The following CNTN4 variants were observed in gnomAD, a reference collection of about 807,000 sequenced individuals.
CNTN4 encodes contactin-4.
CNTN4 carries 77 observed loss-of-function variants against 122.5 expected under a neutral mutation model. The ratio of observed to expected loss-of-function variants is 0.63; its 90% CI spans 0.52 to 0.76. The LOEUF is 0.76. CNTN4 is among the 30% of genes least tolerant of loss of function. The pLI is 0.00. For synonymous variants in CNTN4, 512 were observed against 447.0 expected, an observed-to-expected ratio of 1.15 and a Z score of -1.83; for missense variants, 1,256 against 1,259.1, an observed-to-expected ratio of 1.00 and a Z score of 0.04.
At chr3:2,860,693 G>A (rs2093662196) in intron 7 of CNTN4, among the ~76,000 whole-genome samples, 1 of 152,150 alleles carries the variant, frequency 6.6e-6, no homozygotes, top group South Asian at 2.1e-4. Context: ...TTCACTGGAT[G>A]ACAGCTCACA....
At chr3:2,756,609 T>C (rs2090349772) in intron 6 of CNTN4, among the ~76,000 whole-genome samples, 1 of 152,244 alleles carries the variant, frequency 6.6e-6, no homozygotes, top group Admixed American at 6.5e-5. Context: ...AAACGGTCTT[T>C]CCAGATGTAA....
chr3:2,112,106 G>A (rs9860768), intron 2 of CNTN4, among the ~76,000 whole-genome samples: 12,573 of 152,092 alleles, frequency 0.083, 675 homozygotes, highest in South Asian at 0.12. Flanking sequence ...AGCACTATTT[G>A]AGATTTTATT....
At chr3:2,588,567 A>C (rs190628685) in intron 4 of CNTN4, among the ~76,000 whole-genome samples, 10 of 151,952 alleles carry the variant, frequency 6.6e-5, no homozygotes, top group African/African-American at 2.4e-4. Flanking sequence ...GGGTTTTACT[A>C]TGTTGGCCAG....
intron 4 of CNTN4, among the ~76,000 whole-genome samples, chr3:2,730,095 G>C (rs183271144): frequency 2.5e-4 from 38 of 152,272 alleles, no homozygotes; most frequent in Non-Finnish European, 1.3e-4. Context: ...TAAAATGCTT[G>C]AGACTGGAGG....
At position 2,301,452 on chromosome 3, in the gene CNTN4, T is replaced by A. The variant is rs1010550466; in HGVS notation, c.-144-37726T>A. On this transcript the variant is annotated intron_variant, in intron 2 of 24. Coordinates refer to ENST00000418658, the MANE Select transcript of CNTN4 (RefSeq NM_175607.3). ...ACGCTTTACTACTAGTTAAAAAAAA[T>A]TTGTAGCTGTAAATGGTTCTGCTCT... 5.3e-5 allele frequency among the ~76,000 whole-genome samples: 8 copies of A among 152,330 alleles called. 1 individual carries two copies. In the South Asian group the frequency reaches 1.5e-3, roughly 28 times the overall value.
At chr3:2,955,854 A>T (rs1324056891) in intron 13 of CNTN4, among the ~76,000 whole-genome samples, 1 of 151,544 alleles carries the variant, frequency 6.6e-6, no homozygotes, top group Non-Finnish European at 1.5e-5. Flanking sequence ...GCTAGTGGGG[A>T]TGTAAAATGA....
intron 3 of CNTN4, among the ~76,000 whole-genome samples, chr3:2,482,195 G>C (rs1413189859): frequency 6.6e-6 from 1 of 152,148 alleles, no homozygotes; most frequent in Admixed American, 6.5e-5. Flanking sequence ...ATGAAGTCCA[G>C]TCTGAGGTCA....
In CNTN4 at chr3:3,033,902, G is replaced by T. The variant is rs1699385195; in HGVS notation, c.1784-730G>T. 2.0e-5 allele frequency among the ~76,000 whole-genome samples: 3 copies of T among 152,282 alleles called. No individual in the cohort carries two copies. The South Asian group carries it at 6.2e-4, about 32-fold the overall frequency. Reference sequence around the variant, plus strand: ...CATGGACAGAAACAACGAACATCAGGAAGAGAAGTAGAAAAATACGGGTAT... The same window carrying T: ...CATGGACAGAAACAACGAACATCAGTAAGAGAAGTAGAAAAATACGGGTAT... On this transcript the variant is annotated intron_variant, in intron 16 of 24. Transcript: ENST00000418658.
chr3:2,318,874 C>T (rs1433605365), intron 2 of CNTN4, among the ~76,000 whole-genome samples: 1 of 152,140 alleles, frequency 6.6e-6, no homozygotes, highest in African/African-American at 2.4e-5. Context: ...AATGTCTAAG[C>T]TCAAGCAGTC....
intron 4 of CNTN4, among the ~76,000 whole-genome samples, chr3:2,615,619 A>G (rs549411630): frequency 6.6e-6 from 1 of 152,208 alleles, no homozygotes; most frequent in Admixed American, 6.5e-5. Flanking sequence ...TTATTGAAGT[A>G]TAATTTATAT....
At chr3:3,011,743 T>C (rs548843220) in intron 14 of CNTN4, among the ~76,000 whole-genome samples, 2 of 152,262 alleles carry the variant, frequency 1.3e-5, no homozygotes, top group African/African-American at 4.8e-5. Context: ...GTCGCGATAT[T>C]TCTTTGGAGA....
chr3:3,006,080 G>C (rs552321744), intron 14 of CNTN4, among the ~76,000 whole-genome samples: 56 of 152,020 alleles, frequency 3.7e-4, no homozygotes, highest in African/African-American at 1.3e-3. Flanking sequence ...AGTAGAGACG[G>C]GGTTTCAGGA....
chr3:2,692,841 C>T (rs1258115017), intron 4 of CNTN4, among the ~76,000 whole-genome samples: 1 of 151,926 alleles, frequency 6.6e-6, no homozygotes, highest in Non-Finnish European at 1.5e-5. Flanking sequence ...CATTTCTTTA[C>T]CATAAGGTTA....
intron 2 of CNTN4, among the ~76,000 whole-genome samples, chr3:2,157,779 T>C (rs1409828296): frequency 1.3e-5 from 2 of 152,246 alleles, no homozygotes; most frequent in African/African-American, 4.8e-5. Context: ...ATGTTTTCAG[T>C]TTATCTTGAT....
chr3:2,473,190 C>T (rs1406457085), intron 3 of CNTN4, among the ~76,000 whole-genome samples: 1 of 146,820 alleles, frequency 6.8e-6, no homozygotes, highest in African/African-American at 2.5e-5. Context: ...AAAATCGTGC[C>T]ACTGTGCTCC....
intron 7 of CNTN4, among the ~76,000 whole-genome samples, chr3:2,842,267 T>TC (rs1341512738): frequency 6.6e-6 from 1 of 152,154 alleles, no homozygotes; most frequent in African/African-American, 2.4e-5. Flanking sequence ...TATTGGTGTC[T>TC]TTATCTTGGG....
At chr3:2,761,620 G>C (rs1400202) in intron 6 of CNTN4, among the ~76,000 whole-genome samples, 2 of 151,990 alleles carry the variant, frequency 1.3e-5, no homozygotes, top group Admixed American at 1.3e-4. Context: ...CTCTCTCACT[G>C]GTCCACATAC....
At chr3:2,677,219 A>G (rs2728013) in intron 4 of CNTN4, among the ~76,000 whole-genome samples, 2 of 150,180 alleles carry the variant, frequency 1.3e-5, no homozygotes, top group African/African-American at 4.9e-5. Flanking sequence ...GTATATATAT[A>G]TCTATATAGA....
rs550610779 is a variant in CNTN4, at chr3:2,204,685, A to T, written c.-145+104046A>T. 2.3e-4 allele frequency among the ~76,000 whole-genome samples: 35 copies of T among 151,782 alleles called. 1 individual carries two copies. Among genetic ancestry groups the T allele is most frequent in the East Asian group, 9.6e-4 (5 of 5,186 alleles). On this transcript the variant is annotated intron_variant, in intron 2 of 24. Transcript: ENST00000418658. Reference sequence around the variant, plus strand: ...CCTCTGTTAATTTTTGTTTTTTTTTAAAAGAACTGTTGGTTTTAAACTTCT... The same window carrying T: ...CCTCTGTTAATTTTTGTTTTTTTTTTAAAGAACTGTTGGTTTTAAACTTCT...
Sources: gnomAD v4.1 joint callset for allele counts (sites outside exome capture counted in the v4.1 genomes callset) on GRCh38, gnomAD v4.1.1 for gene constraint, MANE v1.5 for transcripts, NCBI Gene and HGNC (gene_info 2026-07-23, HGNC 2026-07-21) for gene names.